Variants in MAP3K5 observed in about 807,000 individuals in gnomAD.
MAP3K5 encodes the protein ASK-1.
MAP3K5 carries 56 observed loss-of-function variants against 158.7 expected under a neutral mutation model. The observed-to-expected ratio is 0.35, with a 90% CI of 0.28 to 0.44. The LOEUF is 0.44. Among genes scored for constraint, MAP3K5 ranks in the 20% least tolerant of loss-of-function variants. The probability of loss-of-function intolerance (pLI) is 1.00; values close to 1 mark genes in which losing one functional copy is unlikely to be tolerated. For missense variants in MAP3K5, 1,294 were observed against 1,674.8 expected (o/e 0.77, Z 3.97); for synonymous variants, 579 against 601.7 (o/e 0.96, Z 0.55).
Position 136,557,529 on chromosome 6 carries a change from C to G in MAP3K5, c.*229G>C. 1 of 421,312 alleles carries G rather than the reference C, an allele frequency of 2.4e-6. No individual in the cohort carries two copies. The highest frequency in any genetic ancestry group is 4.2e-6 in the Non-Finnish European group (1 of 236,212). 26.1% of individuals were successfully genotyped at this position (421,312 alleles called of 1,614,324 possible). The stretch of plus-strand genomic sequence containing the variant: ...TCCTGAACATTAGGGTTCTAATGTT[C>G]AGGATTATTTTAAGAGTCCTTATGA... On this transcript the variant is annotated 3_prime_UTR_variant, in exon 30 of 30. Transcript: ENST00000359015.
chr6:136,614,917 A>G (rs1245906909), intron 15 of MAP3K5, among the ~76,000 whole-genome samples: 1 of 152,172 alleles, frequency 6.6e-6, no homozygotes, highest in East Asian at 1.9e-4. Context: ...TACTGTATCC[A>G]CTAATTCTAT....
chr6:136,659,161 A>G, intron 9 of MAP3K5, 58 bp downstream of exon 9: 1 of 1,373,706 alleles, frequency 7.3e-7, no homozygotes, highest in East Asian at 2.3e-5. Context: ...TAAATATAAT[A>G]TGGGAACAAT....
chr6:136,620,339 T>A (rs746051257), intron 15 of MAP3K5, among the ~76,000 whole-genome samples: 3 of 152,228 alleles, frequency 2.0e-5, no homozygotes, highest in Admixed American at 6.5e-5. Context: ...CTAGGTATAT[T>A]TGATGGATTC....
chr6:136,650,913 G>C lies in MAP3K5; in HGVS notation c.1788+71C>G, dbSNP rs112067299. 8.1e-4 allele frequency: 694 copies of C among 852,428 alleles called. 2 individuals are homozygous for C. In the African/African-American group the frequency reaches 0.01, roughly 13 times the overall value. The allele number at this position is 852,428 out of a possible 1,614,324, so 52.8% of individuals were successfully genotyped here. On this transcript the variant is annotated intron_variant, in intron 11 of 29. Transcript: ENST00000359015. ...TTAACTAACACAGACATTTGCTGGA[G>C]TATGTAAATGCTAGAAGGGTGTAAA...
At chr6:136,563,060 T>G (rs1397398311) in intron 26 of MAP3K5, among the ~76,000 whole-genome samples, 1 of 152,004 alleles carries the variant, frequency 6.6e-6, no homozygotes, top group East Asian at 1.9e-4. Flanking sequence ...ACTGGTCCAG[T>G]GCCCCGGGGG....
At chr6:136,583,471 G>T in intron 24 of MAP3K5, 84 bp downstream of exon 24, 2 of 1,287,570 alleles carry the variant, frequency 1.6e-6, no homozygotes, top group Non-Finnish European at 2.1e-6. Context: ...AATTTTAAAA[G>T]AAAAATAACA....
chr6:136,574,752 G>A (rs886804564), intron 25 of MAP3K5, among the ~76,000 whole-genome samples: 2 of 136,274 alleles, frequency 1.5e-5, no homozygotes, highest in South Asian at 4.8e-4. Flanking sequence ...GCAGTGGCAC[G>A]ATCTCGGCTC....
rs75340841 is a variant in MAP3K5 at position 136,768,917 on chromosome 6, A to C, written c.448+22793T>G. Among the ~76,000 whole-genome samples the C allele has an allele frequency of 7.7e-5, 10 of 130,486 alleles. No homozygotes were observed. The East Asian group carries it at 1.4e-3, about 18-fold the overall frequency. The allele number at this position is 130,486 out of a possible 152,430, so 85.6% of individuals were successfully genotyped here. On this transcript the variant is annotated intron_variant, in intron 1 of 29. Coordinates refer to ENST00000359015, the MANE Select transcript of MAP3K5 (RefSeq NM_005923.4). ...GACAGACACAGTGAAACTCCATGTCAAAAAAAAAAAAAGAAAGAAAATGGC... is the reference window on the plus strand; with the variant it reads ...GACAGACACAGTGAAACTCCATGTCCAAAAAAAAAAAAGAAAGAAAATGGC...
At chr6:136,730,196 A>ACTT (rs1782158202) in intron 1 of MAP3K5, among the ~76,000 whole-genome samples, 1 of 146,264 alleles carries the variant, frequency 6.8e-6, no homozygotes, top group Non-Finnish European at 1.5e-5. Flanking sequence ...ACAAGGTCTC[A>ACTT]CTATGTCGAC....
intron 18 of MAP3K5, among the ~76,000 whole-genome samples, chr6:136,608,715 A>C (rs1350655008): frequency 6.6e-6 from 1 of 152,202 alleles, no homozygotes; most frequent in Non-Finnish European, 1.5e-5. Context: ...TCTCACCACA[A>C]ACTGGGATAA....
chr6:136,685,910 G>A (rs1006251999), intron 7 of MAP3K5, among the ~76,000 whole-genome samples: 6 of 152,192 alleles, frequency 3.9e-5, no homozygotes, highest in South Asian at 2.1e-4. Context: ...CCTTGACAGG[G>A]CAGGTTTCCT....
chr6:136,754,839 G>A (rs1274253314), intron 1 of MAP3K5, among the ~76,000 whole-genome samples: 1 of 152,104 alleles, frequency 6.6e-6, no homozygotes, highest in Non-Finnish European at 1.5e-5. Flanking sequence ...ATGGAACAGA[G>A]GAAACGGGGC....
At chr6:136,641,681 C>G in intron 12 of MAP3K5, among the ~76,000 whole-genome samples, 1 of 150,318 alleles carries the variant, frequency 6.7e-6, no homozygotes, top group Non-Finnish European at 1.5e-5. Context: ...TCCTTATCAT[C>G]TGAAGTCATT....
chr6:136,736,468 A>G (rs1381134428), intron 1 of MAP3K5, among the ~76,000 whole-genome samples: 1 of 152,162 alleles, frequency 6.6e-6, no homozygotes, highest in Non-Finnish European at 1.5e-5. Context: ...TTGACATTCC[A>G]TTTAAGTCCA....
At chr6:136,712,518 ACTT>A (rs1349786924) in intron 2 of MAP3K5, among the ~76,000 whole-genome samples, 7 of 152,158 alleles carry the variant, frequency 4.6e-5, no homozygotes, top group Admixed American at 1.3e-4. Flanking sequence ...ATTATAATTA[ACTT>A]CTTCTTCTTT....
At chr6:136,579,729 GC>G in intron 25 of MAP3K5, 1 of 446,818 alleles carries the variant, frequency 2.2e-6, no homozygotes, top group African/African-American at 2.0e-5. Context: ...CATGTGTTAG[GC>G]TAAGGGGTAT....
intron 23 of MAP3K5, among the ~76,000 whole-genome samples, chr6:136,591,031 A>G (rs1262329160): frequency 6.6e-6 from 1 of 152,152 alleles, no homozygotes; most frequent in Non-Finnish European, 1.5e-5. Flanking sequence ...ATGATAGTGA[A>G]TAAGTCTCAT....
intron 3 of MAP3K5, among the ~76,000 whole-genome samples, chr6:136,703,848 T>C (rs1447005761): frequency 2.6e-5 from 4 of 152,222 alleles, no homozygotes; most frequent in Admixed American, 1.3e-4. Flanking sequence ...GCAATTGTAT[T>C]GTTAATTTTG....
intron 1 of MAP3K5, among the ~76,000 whole-genome samples, chr6:136,789,501 G>C (rs1404218582): frequency 6.6e-6 from 1 of 151,834 alleles, no homozygotes; most frequent in Non-Finnish European, 1.5e-5. Flanking sequence ...GACAGAGTGG[G>C]CGCAGGAAAA....
Sources: allele counts gnomAD v4.1 joint callset (sites outside exome capture counted in the v4.1 genomes callset), GRCh38; gene constraint gnomAD v4.1.1; transcripts MANE v1.5; gene names NCBI Gene and HGNC (gene_info 2026-07-23, HGNC 2026-07-21).